Variants in CIB1 observed in about 807,000 individuals in gnomAD.
CIB1 encodes calcium and integrin binding 1.
CIB1 carries 19 observed loss-of-function variants against 25.0 expected under a neutral mutation model. The observed-to-expected ratio is 0.76, with a 90% CI of 0.53 to 1.12. CIB1 has a LOEUF of 1.12. Ranked by LOEUF, CIB1 falls within the 50% of genes most tolerant of loss-of-function variation. CIB1 has a pLI of 0.00. For missense variants in CIB1, 236 were observed against 242.6 expected, an observed-to-expected ratio of 0.97 and a Z score of 0.18; for synonymous variants, 104 against 98.5, an observed-to-expected ratio of 1.06 and a Z score of -0.33.
At position 90,231,346 on chromosome 15, in the gene CIB1, C is replaced by G. The variant is rs1294894945; in HGVS notation, c.346+11G>C. 3.1e-6 allele frequency: 5 copies of G among 1,613,258 alleles called. No homozygotes were observed. The highest frequency in any genetic ancestry group is 4.2e-6 in the Non-Finnish European group (5 of 1,179,376). On this transcript the variant is annotated intron_variant, in intron 4 of 6. Coordinates refer to ENST00000328649, the MANE Select transcript of CIB1 (RefSeq NM_006384.4). ...GGGGTGGTGTCCTGCCGGGCTGCTC[C>G]TGGTTCTCACCAAAGATGCGGAAGG...
In CIB1 at chr15:90,230,376, A is replaced by G. The variant is rs531312201; in HGVS notation, c.*108T>C. On this transcript the variant is annotated 3_prime_UTR_variant, in exon 7 of 7. Coordinates refer to ENST00000328649, the MANE Select transcript of CIB1 (RefSeq NM_006384.4). ...GGTGAGGCTGCACAGCGCCAGCTCC[A>G]GGCTGGGCCAGCTTGGCCCGCACTG... 5.8e-3 allele frequency: 7,885 copies of G among 1,348,484 alleles called. 40 individuals carry two copies. Among genetic ancestry groups the G allele is most frequent in the Non-Finnish European group, 7.4e-3 (7,147 of 971,520 alleles). 83.5% of individuals were successfully genotyped at this position (1,348,484 alleles called of 1,614,324 possible). A position where few individuals can be genotyped will look rare whatever the true frequency, so the allele number is the denominator to read the frequency against.
chr15:90,259,788 T>C, the CIB1 span, among the ~76,000 whole-genome samples: 1 of 152,216 alleles, frequency 6.6e-6, no homozygotes, highest in African/African-American at 2.4e-5. Context: ...TAGAGAATCG[T>C]TTACATCCGT....
chr15:90,230,114 G>T lies in CIB1; in HGVS notation c.*370C>A, dbSNP rs912122137. 3.4e-6 allele frequency: 1 copy of T among 296,852 alleles called. No individual in the cohort carries two copies. The highest frequency in any genetic ancestry group is 6.4e-6 in the Non-Finnish European group (1 of 155,592). 18.4% of individuals were successfully genotyped at this position (296,852 alleles called of 1,614,324 possible). On this transcript the variant is annotated 3_prime_UTR_variant, in exon 7 of 7. Transcript: ENST00000328649. The stretch of plus-strand genomic sequence containing the variant: ...CTTCATCCTCACACCCTCCCACGGG[G>T]ACAGCCAGCGTGGGTGCGGCTTGAC...
the CIB1 span, among the ~76,000 whole-genome samples, chr15:90,256,660 T>G: frequency 6.7e-6 from 1 of 150,110 alleles, no homozygotes; most frequent in Non-Finnish European, 1.5e-5. Flanking sequence ...TCCCTTTCCT[T>G]CCCTTCCTTT....
intron 4 of CIB1, 32 bp from the exon 5 acceptor site, chr15:90,231,245 C>T (rs768294875): frequency 1.8e-5 from 29 of 1,611,942 alleles, no homozygotes; most frequent in South Asian, 9.9e-5. Context: ...CCAAAAGACA[C>T]GGTTGGGAGG....
the CIB1 span, chr15:90,262,251 TG>T: frequency 4.8e-5 from 69 of 1,428,632 alleles, 1 homozygote; most frequent in East Asian, 4.8e-4. Context: ...GAAGCTGCAT[TG>T]CTTCCCAGCA....
the CIB1 span, among the ~76,000 whole-genome samples, chr15:90,251,862 C>T: frequency 6.6e-6 from 1 of 151,894 alleles, no homozygotes; most frequent in Non-Finnish European, 1.5e-5. Flanking sequence ...ACTACTGCCC[C>T]ACCCTTCCCA....
chr15:90,242,713 C>G, the CIB1 span: 2 of 152,550 alleles, frequency 1.3e-5, no homozygotes, highest in Admixed American at 1.3e-4. Context: ...TCCCAAAGTG[C>G]TGGGATTACA....
At chr15:90,264,621 GC>G in the CIB1 span, 1 of 1,351,266 alleles carries the variant, frequency 7.4e-7, no homozygotes, top group Non-Finnish European at 1.0e-6. Flanking sequence ...AGCATGAGAT[GC>G]CCTTCCTCTG....
At chr15:90,248,718 C>CAAAAAAAAAAAAAAAAAAAAAAAAAAAA in the CIB1 span, among the ~76,000 whole-genome samples, 1 of 27,766 alleles carries the variant, frequency 3.6e-5, no homozygotes, top group Non-Finnish European at 6.7e-5. Context: ...GACCCTGTCT[C>CAAAAAAAAAAAAAAAAAAAAAAAAAAAA]AAAAAAAAAA....
chr15:90,257,936 A>C, the CIB1 span: 1 of 1,184,590 alleles, frequency 8.4e-7, no homozygotes, highest in Admixed American at 2.2e-5. Context: ...CAGCCCTTCA[A>C]AGCCCGGGCA....
chr15:90,259,600 T>G, the CIB1 span, among the ~76,000 whole-genome samples: 7 of 152,216 alleles, frequency 4.6e-5, no homozygotes, highest in African/African-American at 1.7e-4. Flanking sequence ...AGGCATAACT[T>G]TCACACTGTC....
In CIB1 at chr15:90,230,807, C is replaced by A; in HGVS notation, c.554+127G>T. 4.5e-6 allele frequency: 4 copies of A among 888,462 alleles called. No individual in the cohort carries two copies. The Admixed American group carries it at 7.3e-5, about 16-fold the overall frequency. 55.0% of individuals were successfully genotyped at this position (888,462 alleles called of 1,614,324 possible). ...CCCGGGGCGAGACTGCCAGCTTAGC[C>A]GGCCCTGTGTGTGGGGACTGGGGCT... On this transcript the variant is annotated intron_variant, in intron 6 of 6. Transcript: ENST00000328649.
chr15:90,257,074 A>T, the CIB1 span: 2 of 1,481,226 alleles, frequency 1.4e-6, no homozygotes, highest in Non-Finnish European at 1.8e-6. Flanking sequence ...TGAAGCACTT[A>T]GAACAGCACA....
the CIB1 span, chr15:90,249,691 A>T: frequency 6.6e-6 from 1 of 152,288 alleles, no homozygotes; most frequent in Admixed American, 6.5e-5. Context: ...CCGGACGCCC[A>T]GAAACGCCCA....
At chr15:90,231,287 C>T in intron 4 of CIB1, 70 bp downstream of exon 4, 2 of 1,608,108 alleles carry the variant, frequency 1.2e-6, no homozygotes, top group Non-Finnish European at 1.7e-6. Flanking sequence ...GCGCCCATTT[C>T]CCAAGCAGGG....
At chr15:90,252,633 T>A in the CIB1 span, among the ~76,000 whole-genome samples, 1 of 152,136 alleles carries the variant, frequency 6.6e-6, no homozygotes, top group Admixed American at 6.5e-5. Flanking sequence ...CACACAAGTA[T>A]GGAGTGTGAA....
the CIB1 span, chr15:90,265,148 T>C: frequency 9.6e-5 from 118 of 1,235,580 alleles, no homozygotes; most frequent in African/African-American, 1.2e-3. Context: ...CTAAGATTAA[T>C]TGGGGATCGG....
the CIB1 span, among the ~76,000 whole-genome samples, chr15:90,264,459 C>T: frequency 0.02 from 3,057 of 152,252 alleles, 101 homozygotes; most frequent in African/African-American, 0.069. Context: ...GTGTAAGCCA[C>T]CGCACCAGGC....
Sources: gnomAD v4.1 joint callset for allele counts (sites outside exome capture counted in the v4.1 genomes callset) on GRCh38, gnomAD v4.1.1 for gene constraint, MANE v1.5 for transcripts, NCBI Gene and HGNC (gene_info 2026-07-23, HGNC 2026-07-21) for gene names.